The following CREB3L3 variants were observed in gnomAD, a reference collection of about 807,000 sequenced individuals.
The protein encoded by CREB3L3 is cAMP responsive element binding protein 3 like 3.
In CREB3L3, 40 loss-of-function variants were observed where a neutral mutation model predicts 44.6. The observed-to-expected ratio is 0.90, with a 90% CI of 0.70 to 1.17. The LOEUF (loss-of-function observed/expected upper bound fraction) is 1.17. Ranked by LOEUF, CREB3L3 falls within the 50% of genes most tolerant of loss-of-function variation. The pLI, the probability that CREB3L3 is intolerant of heterozygous loss-of-function variation, is 0.00. For missense variants in CREB3L3, 578 were observed against 595.8 expected (o/e 0.97, Z 0.31); for synonymous variants, 273 against 256.3 (o/e 1.06, Z -0.62).
chr19:4,171,638 C>T lies in CREB3L3; in HGVS notation c.1073-18C>T, dbSNP rs760859540. The T allele has an allele frequency of 1.4e-5, 22 of 1,612,796 alleles. No homozygotes were observed. The highest frequency in any genetic ancestry group is 1.9e-5 in the Non-Finnish European group (22 of 1,179,478). On this transcript the variant is annotated intron_variant, in intron 9 of 9. Transcript: ENST00000078445. This position sits in a 1 kb window ranked among gnomAD's most constrained non-coding sequence, Gnocchi z 4.9. ...CACCTCCACCTTGTCCCCTGTGATG[C>T]CCCCCTTCCCCAATCAGTGTTCTCC...
At chr19:4,153,818 G>A (rs1226283097) in intron 1 of CREB3L3, 44 bp downstream of exon 1, 4 of 1,609,670 alleles carry the variant, frequency 2.5e-6, no homozygotes. Flanking sequence ...GTCTAGGCTG[G>A]GAAAGCCTAC....
In CREB3L3 at chr19:4,172,629, AAACAGACCCAGACACAGCCTG is replaced by A. The variant is rs1967082331; in HGVS notation, c.*663_*683del. On this transcript the variant is annotated 3_prime_UTR_variant, in exon 10 of 10. Coordinates refer to ENST00000078445, the MANE Select transcript of CREB3L3 (RefSeq NM_032607.3). Reference sequence around the variant, plus strand: ...CAGACAAACAGACAGACACAGCCTGAAACAGACCCAGACACAGCCTGAAACAGACCCGGACAGACAGACAGA... The same window carrying A: ...CAGACAAACAGACAGACACAGCCTGAAAACAGACCCGGACAGACAGACAGA... 1 of 231,026 alleles carries A rather than the reference AAACAGACCCAGACACAGCCTG, an allele frequency of 4.3e-6. No homozygotes were observed. The allele number at this position is 231,026 out of a possible 1,614,324, so 14.3% of individuals were successfully genotyped here.
intron 3 of CREB3L3, 23 bp downstream of exon 3, chr19:4,157,318 C>A (rs1490824938): frequency 1.9e-6 from 3 of 1,612,786 alleles, no homozygotes; most frequent in Non-Finnish European, 2.5e-6. Flanking sequence ...GTGTCTCTGC[C>A]CACCGCCCTC....
chr19:4,165,032 G>A lies in CREB3L3; in HGVS notation c.714+392G>A, dbSNP rs115587122. On this transcript the variant is annotated intron_variant, in intron 5 of 9. Transcript: ENST00000078445. ...TATGTGTCTCACCTTTAGAACACCC[G>A]TACTAGAATGCTATGCTGTGTCTGT... Among the ~76,000 whole-genome samples the A allele has an allele frequency of 5.9e-3, 900 of 152,140 alleles. 8 individuals are homozygous for A. The highest frequency in any genetic ancestry group is 0.021 in the African/African-American group (860 of 41,522).
Position 4,171,116 on chromosome 19 carries a change from C to T in CREB3L3, c.916C>T (p.Leu306Phe), listed in dbSNP as rs1285096778. The T allele has an allele frequency of 3.1e-6, 5 of 1,613,940 alleles. No individual in the cohort carries two copies. In the African/African-American group the frequency reaches 5.3e-5, roughly 17 times the overall value. ...NLSLLEQLKK[L>F]QAIVVQSTSK... ...GTCCCTCTTGGAGCAACTGAAGAAA[C>T]TCCAGGCCATTGTGGTGCAGTCCAC... The change falls in exon 8 of 10, where the codon CTC becomes TTC. Residue 306 changes from leucine to phenylalanine, a missense_variant. Leu to Phe is a conservative substitution (Grantham distance 22, BLOSUM62 0). Coordinates refer to ENST00000078445, the MANE Select transcript of CREB3L3 (RefSeq NM_032607.3). This position sits in a 1 kb window ranked among gnomAD's most constrained non-coding sequence, Gnocchi z 4.9.
chr19:4,167,490 GAGAA>G (rs1442495989), intron 5 of CREB3L3, among the ~76,000 whole-genome samples: 1 of 110,998 alleles, frequency 9.0e-6, no homozygotes, highest in African/African-American at 4.0e-5. Context: ...GAAAGAAAGA[GAGAA>G]AGAGAAAGAG....
At position 4,156,149 on chromosome 19, in the gene CREB3L3, C is replaced by A. The variant is rs576450598; in HGVS notation, c.157-846C>A. Among the ~76,000 whole-genome samples, 3 of 100,748 alleles carry A rather than the reference C, an allele frequency of 3.0e-5. No homozygotes were observed. In the South Asian group the frequency reaches 1.1e-3, roughly 37 times the overall value. The allele number at this position is 100,748 out of a possible 152,430, so 66.1% of individuals were successfully genotyped here. ...CCTCTCTCTCTGTCTCTCTCTCTCT[C>A]CCCCTCCCTCCCTTCCTCCCTTCCT... On this transcript the variant is annotated intron_variant, in intron 2 of 9. Transcript: ENST00000078445.
At chr19:4,160,342 G>T (rs1167776376) in intron 4 of CREB3L3, among the ~76,000 whole-genome samples, 1 of 151,864 alleles carries the variant, frequency 6.6e-6, no homozygotes, top group African/African-American at 2.4e-5. Context: ...GGCTGCACCT[G>T]CTATATGCCA....
In CREB3L3 at chr19:4,171,064, C is replaced by A; in HGVS notation, c.891-27C>A. The A allele has an allele frequency of 6.3e-7, 1 of 1,591,456 alleles. No homozygotes were observed. Among genetic ancestry groups the A allele is most frequent in the Non-Finnish European group, 8.6e-7 (1 of 1,159,338 alleles). On this transcript the variant is annotated intron_variant, in intron 7 of 9. Coordinates refer to ENST00000078445, the MANE Select transcript of CREB3L3 (RefSeq NM_032607.3). This position sits in a 1 kb window ranked among gnomAD's most constrained non-coding sequence, Gnocchi z 4.9. ...AGCAGAACCGAGGCCCTTTAGGGCT[C>A]AGCGGAGGCCTGCCTGTCTCTCTAA...
intron 1 of CREB3L3, among the ~76,000 whole-genome samples, chr19:4,154,524 C>T (rs1025845017): frequency 5.3e-5 from 8 of 152,026 alleles, no homozygotes; most frequent in Non-Finnish European, 8.8e-5. Flanking sequence ...TGTGTGCCAC[C>T]GCAGCCAGCT....
chr19:4,171,101 G>A lies in CREB3L3; in HGVS notation c.901G>A (p.Glu301Lys), dbSNP rs375703646. The A allele has an allele frequency of 7.3e-5, 118 of 1,613,908 alleles. No homozygotes were observed. The highest frequency in any genetic ancestry group is 9.4e-5 in the Non-Finnish European group (111 of 1,179,916). ...GCCTGTCTCTCTAAGGTCCCTCTTG[G>A]AGCAACTGAAGAAACTCCAGGCCAT... ...HLEKQNLSLLEQLKKLQAIVV... is the reference protein window; with the variant it reads ...HLEKQNLSLLKQLKKLQAIVV... The change falls in exon 8 of 10, where the codon GAG (glutamate) becomes AAG (lysine). Residue 301 changes from glutamate (E) to lysine (K), a missense_variant. Physicochemically the swap from Glu to Lys is moderately conservative, Grantham distance 56 (BLOSUM62 1). Coordinates refer to ENST00000078445, the MANE Select transcript of CREB3L3 (RefSeq NM_032607.3). The surrounding 1 kb of genome is among the most constrained non-coding windows in gnomAD (Gnocchi z 4.9).
intron 3 of CREB3L3, among the ~76,000 whole-genome samples, chr19:4,158,790 A>G (rs2145122828): frequency 7.1e-6 from 1 of 140,194 alleles, no homozygotes; most frequent in Non-Finnish European, 1.5e-5. Context: ...ACAGAGCGAG[A>G]CTCCGTCTCA....
intron 7 of CREB3L3, 105 bp from the exon 8 acceptor site, chr19:4,170,986 A>T: frequency 1.3e-6 from 1 of 785,168 alleles, no homozygotes; most frequent in South Asian, 1.4e-5. Flanking sequence ...CCCTTGAAGA[A>T]TGGATGGAAT....
At chr19:4,164,958 C>T (rs1364369575) in intron 5 of CREB3L3, among the ~76,000 whole-genome samples, 2 of 152,154 alleles carry the variant, frequency 1.3e-5, no homozygotes, top group African/African-American at 4.8e-5. Flanking sequence ...ATCCTCCTGC[C>T]TCGGTCTCCC....
At chr19:4,164,123 GC>G (rs1273116119) in intron 4 of CREB3L3, among the ~76,000 whole-genome samples, 1 of 151,732 alleles carries the variant, frequency 6.6e-6, no homozygotes, top group Non-Finnish European at 1.5e-5. Context: ...ACAGGCACCC[GC>G]CACTACGCCC....
chr19:4,163,396 T>C (rs1340970935), intron 4 of CREB3L3, among the ~76,000 whole-genome samples: 2 of 148,092 alleles, frequency 1.4e-5, no homozygotes. Flanking sequence ...ACCCTGTCCA[T>C]ATGCCATTTT....
chr19:4,161,291 T>C (rs936428738), intron 4 of CREB3L3, among the ~76,000 whole-genome samples: 3 of 151,622 alleles, frequency 2.0e-5, no homozygotes, highest in Non-Finnish European at 4.4e-5. Context: ...TTTTAATTTT[T>C]TTCTGTAGAT....
intron 4 of CREB3L3, among the ~76,000 whole-genome samples, chr19:4,161,574 G>C (rs776103277): frequency 1.3e-5 from 2 of 152,158 alleles, no homozygotes; most frequent in Non-Finnish European, 2.9e-5. Flanking sequence ...ACCCTGCCAA[G>C]GGCTTCACGC....
chr19:4,170,131 T>G lies in CREB3L3; in HGVS notation c.822-9T>G. ...TATGCTGAATGTCGATGCGTCTTCC[T>G]CCTTTCAGGATGTCAGCTTGCACTG... On this transcript the variant is annotated splice_polypyrimidine_tract_variant and intron_variant, in intron 6 of 9. Transcript: ENST00000078445. The G allele has an allele frequency of 6.2e-7, 1 of 1,613,964 alleles. No homozygotes were observed. Among genetic ancestry groups the G allele is most frequent in the Non-Finnish European group, 8.5e-7 (1 of 1,179,908 alleles).
Sources: gnomAD v4.1 joint callset for allele counts (sites outside exome capture counted in the v4.1 genomes callset) on GRCh38, gnomAD v4.1.1 for gene constraint, Gnocchi (gnomAD v3.1) non-coding constraint, MANE v1.5 for transcripts, NCBI Gene and HGNC (gene_info 2026-07-23, HGNC 2026-07-21) for gene names.